Variants in CPEB1 observed in about 807,000 individuals in gnomAD.
The protein encoded by CPEB1 is cytoplasmic polyadenylation element binding protein 1.
CPEB1 carries 7 observed loss-of-function variants against 65.8 expected under a neutral mutation model. The observed-to-expected ratio is 0.11, with a 90% CI of 0.06 to 0.20. The LOEUF (loss-of-function observed/expected upper bound fraction) is 0.20. CPEB1 is among the 10% of genes least tolerant of loss of function. CPEB1 has a pLI of 1.00. For missense variants in CPEB1, 551 were observed against 712.2 expected (o/e 0.77, Z 2.58); for synonymous variants, 262 against 260.0 (o/e 1.01, Z -0.08).
At chr15:82,576,855 T>C (rs2151078814) in intron 3 of CPEB1, among the ~76,000 whole-genome samples, 1 of 152,296 alleles carries the variant, frequency 6.6e-6, no homozygotes, top group Admixed American at 6.5e-5. Context: ...AAACCCCGTC[T>C]GTAATAAAAA....
intron 3 of CPEB1, among the ~76,000 whole-genome samples, chr15:82,582,816 A>G (rs1191653645): frequency 7.3e-6 from 1 of 136,202 alleles, no homozygotes; most frequent in Non-Finnish European, 1.5e-5. Context: ...ATCTGGACTC[A>G]CCGCAAGCTC....
intron 1 of CPEB1, among the ~76,000 whole-genome samples, chr15:82,645,421 G>A (rs1171745169): frequency 6.6e-6 from 1 of 152,010 alleles, no homozygotes; most frequent in Non-Finnish European, 1.5e-5. Context: ...CCAAAGTGCT[G>A]GGATTAAAGG....
chr15:82,626,492 AG>A (rs1279538153), intron 3 of CPEB1, among the ~76,000 whole-genome samples: 2 of 152,136 alleles, frequency 1.3e-5, no homozygotes, highest in Admixed American at 6.5e-5. Flanking sequence ...ACTCAAACCC[AG>A]AACACTTCAA....
At chr15:82,594,640 T>C (rs1184461906) in intron 3 of CPEB1, among the ~76,000 whole-genome samples, 1 of 152,238 alleles carries the variant, frequency 6.6e-6, no homozygotes, top group Admixed American at 6.5e-5. Context: ...CAGGAACTTG[T>C]GCCTTGCATT....
rs926985168 is a variant in CPEB1 at position 82,585,387 on chromosome 15, T to C, written c.272-13855A>G. Among the ~76,000 whole-genome samples, 5 of 152,316 alleles carry C rather than the reference T, an allele frequency of 3.3e-5. No homozygotes were observed. The East Asian group carries it at 7.7e-4, about 23-fold the overall frequency. ...GGCAAAGTCTGGACATTCCAGCAGATGGGGGTGGTACCATGCAGAATAAGA... is the reference window on the plus strand; with the variant it reads ...GGCAAAGTCTGGACATTCCAGCAGACGGGGGTGGTACCATGCAGAATAAGA... On this transcript the variant is annotated intron_variant, in intron 3 of 12. Coordinates refer to ENST00000684509, the MANE Select transcript of CPEB1 (RefSeq NM_001365242.1).
At chr15:82,573,340 T>C (rs1004594345) in intron 3 of CPEB1, 1 of 622,496 alleles carries the variant, frequency 1.6e-6, no homozygotes, top group Non-Finnish European at 2.6e-6. Flanking sequence ...AAAGCCTTGT[T>C]CATCATGGCA....
intron 3 of CPEB1, among the ~76,000 whole-genome samples, chr15:82,606,881 C>T (rs546748411): frequency 1.3e-5 from 2 of 151,598 alleles, no homozygotes; most frequent in South Asian, 4.2e-4. Context: ...GCCTGCAATC[C>T]CAGCACTTTG....
intron 3 of CPEB1, among the ~76,000 whole-genome samples, chr15:82,604,467 C>A (rs1390551794): frequency 2.1e-5 from 3 of 141,968 alleles, no homozygotes; most frequent in Non-Finnish European, 4.5e-5. Context: ...GCCTGGGTGA[C>A]AGAGCAAGAC....
chr15:82,563,632 G>A (rs922351801), intron 4 of CPEB1, among the ~76,000 whole-genome samples: 4 of 151,332 alleles, frequency 2.6e-5, no homozygotes, highest in Admixed American at 6.6e-5. Context: ...GTGAGCCTCC[G>A]TGCCTGGGCC....
intron 3 of CPEB1, among the ~76,000 whole-genome samples, chr15:82,613,397 G>GC (rs2044367850): frequency 6.6e-6 from 1 of 151,888 alleles, no homozygotes; most frequent in Non-Finnish European, 1.5e-5. Flanking sequence ...GTTTTGTTTT[G>GC]TTTTTTTGGA....
At chr15:82,629,628 T>C (rs569895063) in intron 1 of CPEB1, 53 of 984,478 alleles carry the variant, frequency 5.4e-5, no homozygotes, top group Middle Eastern at 5.2e-4. Flanking sequence ...CAATGAAATA[T>C]TGGTTGACAG....
intron 6 of CPEB1, among the ~76,000 whole-genome samples, 196 bp downstream of exon 6, chr15:82,555,674 C>T (rs996034350): frequency 5.9e-5 from 9 of 152,236 alleles, no homozygotes; most frequent in Admixed American, 3.9e-4. Context: ...CTTTCCTCTC[C>T]ACTCAGCCTC....
At chr15:82,549,437 G>A (rs373694555) in intron 10 of CPEB1, 23 bp downstream of exon 10, 62 of 1,613,748 alleles carry the variant, frequency 3.8e-5, no homozygotes, top group Non-Finnish European at 4.2e-5. Flanking sequence ...CCAAGCTTTC[G>A]CACACAGAAG....
chr15:82,639,944 A>G (rs2046973460), intron 1 of CPEB1, among the ~76,000 whole-genome samples: 1 of 152,088 alleles, frequency 6.6e-6, no homozygotes, highest in African/African-American at 2.4e-5. Flanking sequence ...GGGGAATTAA[A>G]CTATGTCCTG....
At chr15:82,628,248 AT>A in intron 2 of CPEB1, 115 bp downstream of exon 2, 2 of 702,936 alleles carry the variant, frequency 2.8e-6, no homozygotes, top group Non-Finnish European at 2.6e-6. Flanking sequence ...GACTTCACAG[AT>A]TTACCACAGA....
chr15:82,588,089 GTT>G (rs758412445), intron 3 of CPEB1, among the ~76,000 whole-genome samples: 1 of 145,086 alleles, frequency 6.9e-6, no homozygotes, highest in African/African-American at 2.6e-5. Flanking sequence ...ATCCAACTAG[GTT>G]TTTTTTTGTT....
chr15:82,602,794 C>A (rs2043233226), intron 3 of CPEB1, among the ~76,000 whole-genome samples: 1 of 152,018 alleles, frequency 6.6e-6, no homozygotes, highest in Admixed American at 6.6e-5. Context: ...TACAGTGAGC[C>A]GAGATCATGC....
At chr15:82,558,837 C>T (rs1026172835) in intron 4 of CPEB1, among the ~76,000 whole-genome samples, 4 of 152,182 alleles carry the variant, frequency 2.6e-5, no homozygotes, top group African/African-American at 9.7e-5. Flanking sequence ...GTTTTCCACA[C>T]TTGGCCTTGG....
At chr15:82,616,893 T>G (rs927032140) in intron 3 of CPEB1, among the ~76,000 whole-genome samples, 1 of 152,202 alleles carries the variant, frequency 6.6e-6, no homozygotes, top group African/African-American at 2.4e-5. Flanking sequence ...GTATTCAAAG[T>G]GTAGAATTTG....
Sources: allele counts gnomAD v4.1 joint callset (sites outside exome capture counted in the v4.1 genomes callset), GRCh38; gene constraint gnomAD v4.1.1; transcripts MANE v1.5; gene names NCBI Gene and HGNC (gene_info 2026-07-23, HGNC 2026-07-21).